SLC44A5: variants seen among roughly 807,000 people sequenced by gnomAD.
SLC44A5 encodes solute carrier family 44 member 5, also known as choline transporter-like protein 5.
In SLC44A5, 57 loss-of-function variants were observed where a neutral mutation model predicts 101.8. The observed-to-expected ratio is 0.56, with a 90% confidence interval of 0.45 to 0.70. The LOEUF (loss-of-function observed/expected upper bound fraction) is 0.70. Ranked by LOEUF, SLC44A5 falls within the 30% of genes least tolerant of loss-of-function variation. SLC44A5 has a pLI of 0.00. For synonymous variants in SLC44A5, 281 were observed against 290.9 expected (o/e 0.97, Z 0.35); for missense variants, 737 against 853.1 (o/e 0.86, Z 1.70).
intron 4 of SLC44A5, among the ~76,000 whole-genome samples, chr1:75,311,075 CT>C (rs1240800617): frequency 4.0e-5 from 6 of 151,404 alleles, no homozygotes; most frequent in Non-Finnish European, 8.8e-5. Flanking sequence ...ACAAACTGTA[CT>C]AGTCTCTTTC....
the SLC44A5 span, among the ~76,000 whole-genome samples, chr1:75,664,371 T>C: frequency 6.6e-6 from 1 of 152,004 alleles, no homozygotes; most frequent in African/African-American, 2.4e-5. Flanking sequence ...AAAGTCAAAT[T>C]ATCTCTCTTC....
chr1:75,223,516 G>C (rs920206164), intron 13 of SLC44A5, among the ~76,000 whole-genome samples: 4 of 152,120 alleles, frequency 2.6e-5, no homozygotes, highest in African/African-American at 9.7e-5. Context: ...AAAAGTAAAA[G>C]GTATGGATCT....
intron 4 of SLC44A5, among the ~76,000 whole-genome samples, chr1:75,302,112 G>GTTTTTTTTTTTTTTTTTTTTTTTT (rs10684140): frequency 1.7e-5 from 1 of 60,130 alleles, no homozygotes; most frequent in African/African-American, 6.9e-5. Flanking sequence ...TAGTTTTTTT[G>GTTTTTTTTTTTTTTTTTTTTTTTT]TTTTTTTTTT....
chr1:75,497,631 G>T (rs887825688), intron 2 of SLC44A5, among the ~76,000 whole-genome samples: 1 of 152,068 alleles, frequency 6.6e-6, no homozygotes, highest in Non-Finnish European at 1.5e-5. Context: ...TAGATCTTAG[G>T]TGTTCTTACC....
chr1:75,703,775 C>T, the SLC44A5 span, among the ~76,000 whole-genome samples: 6,710 of 150,888 alleles, frequency 0.044, 204 homozygotes, highest in African/African-American at 0.092. Flanking sequence ...TGTTCAGTAC[C>T]AGACCTTGTC....
chr1:75,603,753 G>GTTTTT (rs57844833), intron 1 of SLC44A5, among the ~76,000 whole-genome samples: 16,988 of 53,850 alleles, frequency 0.32, 4,013 homozygotes, highest in African/African-American at 0.34. Context: ...ATTTTTTCAT[G>GTTTTT]TTTTTTTTTT....
At chr1:75,486,183 T>G (rs1308817292) in intron 2 of SLC44A5, among the ~76,000 whole-genome samples, 1 of 152,240 alleles carries the variant, frequency 6.6e-6, no homozygotes, top group Non-Finnish European at 1.5e-5. Flanking sequence ...AAGGCTCTAT[T>G]CAAGACAGCA....
At chr1:75,702,679 A>G in the SLC44A5 span, among the ~76,000 whole-genome samples, 1 of 152,214 alleles carries the variant, frequency 6.6e-6, no homozygotes, top group Non-Finnish European at 1.5e-5. Context: ...TAAACTAAAG[A>G]GCTTCTGCAC....
chr1:75,645,144 T>G, the SLC44A5 span, among the ~76,000 whole-genome samples: 1,022 of 152,270 alleles, frequency 6.7e-3, 16 homozygotes, highest in Admixed American at 0.037. Context: ...ATATACCCAG[T>G]AATAGGATGG....
chr1:75,306,355 T>C (rs1051614946), intron 4 of SLC44A5, among the ~76,000 whole-genome samples: 1 of 152,206 alleles, frequency 6.6e-6, no homozygotes, highest in Non-Finnish European at 1.5e-5. Context: ...CCGTGAATTA[T>C]TAGTGAGATG....
the SLC44A5 span, among the ~76,000 whole-genome samples, chr1:75,659,107 A>G: frequency 6.6e-6 from 1 of 151,948 alleles, no homozygotes; most frequent in Non-Finnish European, 1.5e-5. Flanking sequence ...GACCAATAAT[A>G]TGTAACAAGA....
intron 2 of SLC44A5, among the ~76,000 whole-genome samples, chr1:75,440,644 T>C (rs1287902542): frequency 6.6e-6 from 1 of 152,090 alleles, no homozygotes; most frequent in Non-Finnish European, 1.5e-5. Context: ...AATGAGATTA[T>C]AAGATGGAAA....
At chr1:75,707,165 CAA>C in the SLC44A5 span, among the ~76,000 whole-genome samples, 1 of 152,034 alleles carries the variant, frequency 6.6e-6, no homozygotes, top group Non-Finnish European at 1.5e-5. Context: ...TAGTTAACAA[CAA>C]ATTAATAAAT....
the SLC44A5 span, among the ~76,000 whole-genome samples, chr1:75,675,841 C>A: frequency 6.6e-6 from 1 of 152,098 alleles, no homozygotes; most frequent in South Asian, 2.1e-4. Context: ...CTACAAGGAA[C>A]TTAAATAAAT....
chr1:75,530,632 T>C (rs1670662326), intron 2 of SLC44A5, among the ~76,000 whole-genome samples: 1 of 152,222 alleles, frequency 6.6e-6, no homozygotes, highest in Non-Finnish European at 1.5e-5. Flanking sequence ...CAAATTTTGA[T>C]ATTTCTTCTT....
At chr1:75,280,458 AG>A (rs1233299935) in intron 5 of SLC44A5, among the ~76,000 whole-genome samples, 9 of 99,970 alleles carry the variant, frequency 9.0e-5, no homozygotes, top group African/African-American at 3.1e-4. Flanking sequence ...TATTATATAT[AG>A]TATATATAAT....
intron 7 of SLC44A5, 25 bp downstream of exon 7, chr1:75,251,185 A>T (rs1226294398): frequency 6.4e-7 from 1 of 1,554,942 alleles, no homozygotes; most frequent in Admixed American, 1.7e-5. Flanking sequence ...GGCTGACACT[A>T]CCAGTGAGGC....
intron 3 of SLC44A5, among the ~76,000 whole-genome samples, chr1:75,372,582 A>G (rs1214782578): frequency 6.6e-6 from 1 of 152,222 alleles, no homozygotes; most frequent in Admixed American, 6.5e-5. Context: ...ACAATGGTCA[A>G]AATGGGTTAA....
In SLC44A5 at chr1:75,262,663, C is replaced by T. The variant is rs149115366; in HGVS notation, c.261-11369G>A. Among the ~76,000 whole-genome samples the T allele has an allele frequency of 9.1e-3, 1,386 of 152,180 alleles. 26 individuals are homozygous for T. Among genetic ancestry groups the T allele is most frequent in the African/African-American group, 0.029 (1,203 of 41,512 alleles). ...GTTCATATGGAACCAAAAAAGAGCCCGCATTGCCAAGACAATCCTAAGCCA... is the reference window on the plus strand; with the variant it reads ...GTTCATATGGAACCAAAAAAGAGCCTGCATTGCCAAGACAATCCTAAGCCA... On this transcript the variant is annotated intron_variant, in intron 6 of 23. Transcript: ENST00000370859.
Sources: gnomAD v4.1 joint callset for allele counts (sites outside exome capture counted in the v4.1 genomes callset) on GRCh38, gnomAD v4.1.1 for gene constraint, MANE v1.5 for transcripts, NCBI Gene and HGNC (gene_info 2026-07-23, HGNC 2026-07-21) for gene names.